ACO1: variants seen among roughly 807,000 people sequenced by gnomAD.
ACO1 encodes the protein aconitase 1, also known as cytoplasmic aconitate hydratase.
In ACO1, 78 loss-of-function variants were observed where a neutral mutation model predicts 105.1. The ratio of observed to expected loss-of-function variants is 0.74; its 90% CI spans 0.62 to 0.90. The LOEUF is 0.90. Ranked by LOEUF, ACO1 falls within the 40% of genes least tolerant of loss-of-function variation. The pLI is 0.00. For missense variants in ACO1, 965 were observed against 1,111.1 expected, an observed-to-expected ratio of 0.87 and a Z score of 1.87; for synonymous variants, 364 against 397.4, an observed-to-expected ratio of 0.92 and a Z score of 1.00.
At chr9:32,434,497 CT>C in intron 16 of ACO1, 61 bp from the exon 17 acceptor site, 1 of 1,601,942 alleles carries the variant, frequency 6.2e-7, no homozygotes, top group African/African-American at 1.3e-5. Flanking sequence ...ATCGTAGAGA[CT>C]GATCTGGTAA....
chr9:32,449,221 C>T (rs2118589395), intron 20 of ACO1, 140 bp downstream of exon 20: 2 of 743,788 alleles, frequency 2.7e-6, no homozygotes, highest in Middle Eastern at 3.9e-4. Flanking sequence ...AGGAGGCCTA[C>T]TAGCATCTTT....
chr9:32,393,932 AC>A (rs1340679128), intron 1 of ACO1, among the ~76,000 whole-genome samples: 1 of 152,022 alleles, frequency 6.6e-6, no homozygotes, highest in Non-Finnish European at 1.5e-5. Context: ...GTTAGTCTAT[AC>A]CCCTACCGGA....
At chr9:32,414,132 G>A (rs1821800502) in intron 4 of ACO1, among the ~76,000 whole-genome samples, 4 of 152,078 alleles carry the variant, frequency 2.6e-5, no homozygotes, top group Admixed American at 2.6e-4. Flanking sequence ...CAGCCTGGGC[G>A]ACAGAGTGAG....
intron 9 of ACO1, 82 bp downstream of exon 9, chr9:32,423,501 C>T (rs1292038597): frequency 1.1e-6 from 1 of 949,632 alleles, no homozygotes; most frequent in Non-Finnish European, 1.6e-6. Flanking sequence ...TGGGGGAATG[C>T]GCTAGTAGGA....
chr9:32,440,610 AG>A (rs1266936505), intron 19 of ACO1, 23 bp downstream of exon 19: 1 of 1,611,100 alleles, frequency 6.2e-7, no homozygotes, highest in Non-Finnish European at 8.5e-7. Flanking sequence ...TAGACATCCT[AG>A]GAGGCAGCTC....
At chr9:32,384,760 A>C (rs879844251) in intron 1 of ACO1, 25 bp downstream of exon 1, 1 of 373,158 alleles carries the variant, frequency 2.7e-6, no homozygotes, top group Non-Finnish European at 5.5e-6. Flanking sequence ...GGCCCGACCC[A>C]CGTCCCCAGG....
rs765086984 is a variant in ACO1, at chr9:32,452,145, A to G, written c.*2034A>G. On this transcript the variant is annotated 3_prime_UTR_variant, in exon 21 of 21. Transcript: ENST00000309951. Reference sequence around the variant, plus strand: ...ATCCTCAAGTTAAGATCAGTCCTAGAATAAAAACACTAAGAATGGCTGAGA... The same window carrying G: ...ATCCTCAAGTTAAGATCAGTCCTAGGATAAAAACACTAAGAATGGCTGAGA... The G allele has an allele frequency of 1.3e-5, 2 of 152,138 alleles. No homozygotes were observed. Among genetic ancestry groups the G allele is most frequent in the Non-Finnish European group, 2.9e-5 (2 of 68,056 alleles). The allele number at this position is 152,138 out of a possible 1,614,324, so 9.4% of individuals were successfully genotyped here.
intron 1 of ACO1, among the ~76,000 whole-genome samples, chr9:32,386,771 G>A (rs1170919663): frequency 6.6e-6 from 1 of 151,534 alleles, no homozygotes; most frequent in Non-Finnish European, 1.5e-5. Flanking sequence ...TTTGATGGTG[G>A]GGTCTCATTC....
intron 1 of ACO1, among the ~76,000 whole-genome samples, chr9:32,395,868 CAACT>C (rs1205378029): frequency 6.6e-6 from 1 of 152,234 alleles, no homozygotes; most frequent in East Asian, 1.9e-4. Flanking sequence ...TGTGCTGCTG[CAACT>C]AATTTAAAAC....
chr9:32,423,215 G>A (rs949992217), intron 8 of ACO1, 104 bp from the exon 9 acceptor site: 24 of 609,158 alleles, frequency 3.9e-5, no homozygotes, highest in East Asian at 6.4e-5. Flanking sequence ...TAAGTGCAGC[G>A]TATGTTGCGT....
chr9:32,387,794 C>T (rs959512649), intron 1 of ACO1, among the ~76,000 whole-genome samples: 1 of 152,198 alleles, frequency 6.6e-6, no homozygotes, highest in African/African-American at 2.4e-5. Flanking sequence ...ACAAGCATGG[C>T]TGTGTTCCAG....
intron 18 of ACO1, among the ~76,000 whole-genome samples, chr9:32,438,240 C>T (rs1822405352): frequency 6.6e-6 from 1 of 152,122 alleles, no homozygotes. Flanking sequence ...CCCATCAGAC[C>T]ATCAGTCAAG....
intron 1 of ACO1, among the ~76,000 whole-genome samples, chr9:32,389,542 A>AC (rs1194681833): frequency 6.6e-6 from 1 of 152,094 alleles, no homozygotes; most frequent in African/African-American, 2.4e-5. Context: ...AGGCACACTT[A>AC]CCATGTAGTC....
chr9:32,449,957 G>C (rs528808225), intron 20 of ACO1, 41 bp from the exon 21 acceptor site: 140 of 1,549,166 alleles, frequency 9.0e-5, no homozygotes, highest in South Asian at 2.1e-4. Flanking sequence ...GAGCTGTCTC[G>C]CCACCTCCCT....
At chr9:32,388,930 TAAAAA>T (rs914493616) in intron 1 of ACO1, among the ~76,000 whole-genome samples, 1 of 151,892 alleles carries the variant, frequency 6.6e-6, no homozygotes, top group Non-Finnish European at 1.5e-5. Flanking sequence ...CTCCCCCAAT[TAAAAA>T]AAACTGCTTT....
At chr9:32,384,960 G>C (rs1385374570) in intron 1 of ACO1, among the ~76,000 whole-genome samples, 3 of 152,238 alleles carry the variant, frequency 2.0e-5, no homozygotes. Flanking sequence ...GAGAAACCAG[G>C]GATTGGAAGT....
chr9:32,418,341 C>G lies in ACO1; in HGVS notation c.488C>G (p.Ala163Gly). ...RFEFLKWGSQ[A>G]FHNMRIIPPG... ...TGTCAATCCCAGTGGGGTTCCCAGG[C>G]TTTTCACAACATGCGGATTATTCCC... Residue 163 changes from alanine to glycine, a missense_variant, in exon 6 of 21, where the codon GCT becomes GGT. Coordinates refer to ENST00000309951, the MANE Select transcript of ACO1 (RefSeq NM_002197.3). The G allele has an allele frequency of 6.2e-7, 1 of 1,614,072 alleles. No homozygotes were observed. The highest frequency in any genetic ancestry group is 8.5e-7 in the Non-Finnish European group (1 of 1,179,986).
chr9:32,397,806 C>T (rs1346224450), intron 1 of ACO1, among the ~76,000 whole-genome samples: 1 of 152,130 alleles, frequency 6.6e-6, no homozygotes, highest in Non-Finnish European at 1.5e-5. Context: ...GGGCAAACCA[C>T]ATAAAATACA....
At chr9:32,406,935 C>CA (rs1232968006) in intron 2 of ACO1, among the ~76,000 whole-genome samples, 1 of 152,206 alleles carries the variant, frequency 6.6e-6, no homozygotes, top group Non-Finnish European at 1.5e-5. Context: ...AGGCACACGC[C>CA]ACAATGCCCA....
Sources: allele counts gnomAD v4.1 joint callset (sites outside exome capture counted in the v4.1 genomes callset), GRCh38; gene constraint gnomAD v4.1.1; transcripts MANE v1.5; gene names NCBI Gene and HGNC (gene_info 2026-07-23, HGNC 2026-07-21).